TENM3: variants seen among roughly 807,000 people sequenced by gnomAD.
TENM3 encodes teneurin-3.
Under a neutral mutation model 255.1 loss-of-function variants are expected in TENM3, and 63 were observed. The ratio of observed to expected loss-of-function variants is 0.25; its 90% confidence interval spans 0.20 to 0.30. The LOEUF (loss-of-function observed/expected upper bound fraction) is 0.30. Among genes scored for constraint, TENM3 ranks in the 10% least tolerant of loss-of-function variants. The pLI, the probability that TENM3 is intolerant of heterozygous loss-of-function variation, is 1.00. For synonymous variants in TENM3, 1,306 were observed against 1,322.3 expected (o/e 0.99, Z 0.27); for missense variants, 2,929 against 3,461.1 (o/e 0.85, Z 3.86).
intron 3 of TENM3, among the ~76,000 whole-genome samples, chr4:182,416,406 T>C (rs1770360284): frequency 1.3e-5 from 2 of 152,150 alleles, no homozygotes. Context: ...CTTGTGTTTT[T>C]CCTCTCATAT....
the TENM3 span, among the ~76,000 whole-genome samples, chr4:181,613,778 G>A: frequency 6.6e-6 from 1 of 152,146 alleles, no homozygotes; most frequent in East Asian, 1.9e-4. Flanking sequence ...AGGTCCATAA[G>A]ACCAAACCTA....
At chr4:181,698,857 G>A in the TENM3 span, among the ~76,000 whole-genome samples, 1 of 152,100 alleles carries the variant, frequency 6.6e-6, no homozygotes, top group Non-Finnish European at 1.5e-5. Flanking sequence ...TTTCAAAAAA[G>A]CAAGAATATA....
chr4:182,434,653 A>T (rs1013437762), intron 3 of TENM3, among the ~76,000 whole-genome samples: 1 of 152,112 alleles, frequency 6.6e-6, no homozygotes, highest in Non-Finnish European at 1.5e-5. Context: ...ACAAAAAAAA[A>T]AAAACCGTAT....
chr4:182,763,107 T>C (rs1763348448), intron 22 of TENM3, among the ~76,000 whole-genome samples: 2 of 152,114 alleles, frequency 1.3e-5, no homozygotes, highest in South Asian at 4.1e-4. Context: ...AGGTCCGATA[T>C]AACTTAAGAT....
the TENM3 span, among the ~76,000 whole-genome samples, chr4:181,519,498 C>T: frequency 7.8e-3 from 1,190 of 152,224 alleles, 10 homozygotes; most frequent in African/African-American, 0.027. Flanking sequence ...TTCCCCATTA[C>T]TGTTTATATC....
intron 3 of TENM3, among the ~76,000 whole-genome samples, chr4:182,412,797 G>A (rs1580454114): frequency 1.3e-5 from 2 of 151,122 alleles, no homozygotes; most frequent in East Asian, 3.9e-4. Flanking sequence ...CCTGGGAGGT[G>A]GAGGTTGCAG....
At chr4:182,349,765 C>T (rs1765052930) in intron 3 of TENM3, 1 of 281,252 alleles carries the variant, frequency 3.6e-6, no homozygotes, top group South Asian at 3.3e-5. Flanking sequence ...ACTTAAAAAG[C>T]TATAGATTTT....
chr4:182,325,521 A>G (rs1300985725), intron 2 of TENM3, among the ~76,000 whole-genome samples: 1 of 152,260 alleles, frequency 6.6e-6, no homozygotes, highest in Admixed American at 6.5e-5. Context: ...GGGGAGATAC[A>G]AAACATATTT....
At chr4:182,776,186 G>A (rs981736796) in intron 24 of TENM3, among the ~76,000 whole-genome samples, 3 of 152,214 alleles carry the variant, frequency 2.0e-5, no homozygotes, top group Non-Finnish European at 2.9e-5. Context: ...GCCAAGGTAG[G>A]CGGACCACTT....
chr4:181,730,244 G>A, the TENM3 span, among the ~76,000 whole-genome samples: 27 of 152,276 alleles, frequency 1.8e-4, no homozygotes, highest in East Asian at 1.7e-3. Flanking sequence ...GATGGCACTT[G>A]GCTCTTTTCC....
chr4:182,253,759 A>G (rs1758195540), intron 1 of TENM3, among the ~76,000 whole-genome samples: 1 of 152,206 alleles, frequency 6.6e-6, no homozygotes. Flanking sequence ...ACATTATCTA[A>G]TCTATTTTGT....
At chr4:181,628,722 T>A in the TENM3 span, among the ~76,000 whole-genome samples, 2 of 152,184 alleles carry the variant, frequency 1.3e-5, no homozygotes. Flanking sequence ...TACCATGCTG[T>A]TTTGGTTCCT....
chr4:181,620,271 TAAAAATAAA>T, the TENM3 span, among the ~76,000 whole-genome samples: 6 of 148,476 alleles, frequency 4.0e-5, no homozygotes, highest in East Asian at 2.0e-4. Context: ...AAAATAAAAA[TAAAAATAAA>T]ATAAAATAAA....
intron 22 of TENM3, among the ~76,000 whole-genome samples, chr4:182,768,635 A>G (rs1383280500): frequency 6.6e-6 from 1 of 152,218 alleles, no homozygotes; most frequent in Non-Finnish European, 1.5e-5. Context: ...TTCTCAGCTG[A>G]GAATGACTGA....
At chr4:182,082,160 G>A in the TENM3 span, among the ~76,000 whole-genome samples, 2 of 152,178 alleles carry the variant, frequency 1.3e-5, no homozygotes, top group African/African-American at 4.8e-5. Flanking sequence ...AGTTGTGGAG[G>A]CTGGGAAGTC....
At chr4:181,822,785 A>T in the TENM3 span, among the ~76,000 whole-genome samples, 76 of 152,258 alleles carry the variant, frequency 5.0e-4, 1 homozygote, top group East Asian at 0.014. Flanking sequence ...ATTTTGGAGG[A>T]TATCTTTGCT....
the TENM3 span, among the ~76,000 whole-genome samples, chr4:182,065,443 G>T: frequency 6.6e-6 from 1 of 152,236 alleles, no homozygotes; most frequent in Non-Finnish European, 1.5e-5. Context: ...ACGGCAGAAG[G>T]CCAAGGGGGA....
the TENM3 span, among the ~76,000 whole-genome samples, chr4:181,489,326 C>T: frequency 6.6e-6 from 1 of 152,110 alleles, no homozygotes; most frequent in African/African-American, 2.4e-5. Flanking sequence ...AGCTACTTAA[C>T]TTCAAAAATA....
intron 3 of TENM3, among the ~76,000 whole-genome samples, chr4:182,585,021 A>C (rs571192676): frequency 5.9e-5 from 9 of 152,332 alleles, no homozygotes; most frequent in Admixed American, 3.3e-4. Context: ...TATCTTATGG[A>C]TATACTAACA....
Sources: allele counts gnomAD v4.1 joint callset (sites outside exome capture counted in the v4.1 genomes callset), GRCh38; gene constraint gnomAD v4.1.1; transcripts MANE v1.5; gene names NCBI Gene and HGNC (gene_info 2026-07-23, HGNC 2026-07-21).